GIGYF2: variants seen among roughly 807,000 people sequenced by gnomAD.
GIGYF2 encodes GRB10-interacting GYF protein 2.
Under a neutral mutation model 208.1 loss-of-function variants are expected in GIGYF2, and 25 were observed. That is an observed-to-expected ratio of 0.12 (90% confidence interval 0.09 to 0.17). The LOEUF is 0.17. GIGYF2 is among the 10% of genes least tolerant of loss of function. GIGYF2 has a pLI of 1.00. For synonymous variants in GIGYF2, 534 were observed against 543.8 expected (o/e 0.98, Z 0.25); for missense variants, 1,302 against 1,579.4 (o/e 0.82, Z 2.98).
rs936089672 is a variant in GIGYF2, at chr2:232,842,011, A to AT, written c.2890-2022dup. 2.7e-3 allele frequency among the ~76,000 whole-genome samples: 400 copies of AT among 147,648 alleles called. 3 individuals are homozygous for AT. The highest frequency in any genetic ancestry group is 0.011 in the Middle Eastern group (3 of 282). ...CCATGCCTGGCTAATTTAAAAAAAAATTTTTTTTTTTTTGAGACGGGTGTC... is the reference window on the plus strand; with the variant it reads ...CCATGCCTGGCTAATTTAAAAAAAAATTTTTTTTTTTTTTGAGACGGGTGTC... On this transcript the variant is annotated intron_variant, in intron 23 of 28. Transcript: ENST00000373563.
rs369189961 is a variant in GIGYF2 at position 232,741,546 on chromosome 2, G to C, written c.42-6069G>C. Among the ~76,000 whole-genome samples the C allele has an allele frequency of 4.0e-5, 6 of 151,700 alleles. No homozygotes were observed. The East Asian group carries it at 9.7e-4, about 25-fold the overall frequency. On this transcript the variant is annotated intron_variant, in intron 3 of 28. Coordinates refer to ENST00000373563, the MANE Select transcript of GIGYF2 (RefSeq NM_001103146.3). ...CAACTTCTGCTTCCTGAGTTCAAGCGATTCTCCTGCTTCAGGCTCCCAAGT... is the reference window on the plus strand; with the variant it reads ...CAACTTCTGCTTCCTGAGTTCAAGCCATTCTCCTGCTTCAGGCTCCCAAGT...
intron 8 of GIGYF2, among the ~76,000 whole-genome samples, chr2:232,786,134 T>C (rs1442408751): frequency 6.6e-6 from 1 of 152,242 alleles, no homozygotes; most frequent in Non-Finnish European, 1.5e-5. Flanking sequence ...AATGTAACTT[T>C]TGAGACATTA....
intron 14 of GIGYF2, among the ~76,000 whole-genome samples, chr2:232,803,483 A>G (rs919702510): frequency 6.6e-6 from 1 of 151,966 alleles, no homozygotes; most frequent in Non-Finnish European, 1.5e-5. Context: ...ATTTAAGTTC[A>G]TGGTCCATTT....
At chr2:232,753,782 T>C (rs1469062840) in intron 5 of GIGYF2, among the ~76,000 whole-genome samples, 2 of 152,168 alleles carry the variant, frequency 1.3e-5, no homozygotes, top group Non-Finnish European at 2.9e-5. Flanking sequence ...GGCCTCTCCG[T>C]GTTCCTAATT....
intron 18 of GIGYF2, among the ~76,000 whole-genome samples, chr2:232,813,916 C>G (rs1195911220): frequency 9.0e-6 from 1 of 110,980 alleles, no homozygotes; most frequent in Admixed American, 1.3e-4. Flanking sequence ...GAGACAGAGT[C>G]TTGCCGTGTT....
intron 21 of GIGYF2, among the ~76,000 whole-genome samples, chr2:232,824,862 A>T (rs1701201932): frequency 6.6e-6 from 1 of 152,232 alleles, no homozygotes; most frequent in Non-Finnish European, 1.5e-5. Flanking sequence ...TTAGGGGCTA[A>T]TGCAGCTGGT....
At chr2:232,761,309 T>G in intron 7 of GIGYF2, 87 bp from the exon 8 acceptor site, 1 of 844,958 alleles carries the variant, frequency 1.2e-6, no homozygotes, top group South Asian at 1.4e-5. Context: ...GAAGAAATGC[T>G]TTTAGAAAAA....
intron 14 of GIGYF2, among the ~76,000 whole-genome samples, chr2:232,803,606 T>G (rs1315402008): frequency 1.3e-5 from 2 of 152,104 alleles, no homozygotes; most frequent in Non-Finnish European, 2.9e-5. Context: ...TCTTTCACCT[T>G]TGTCAAAATT....
chr2:232,843,175 G>GTA (rs1422406127), intron 23 of GIGYF2: 42 of 123,894 alleles, frequency 3.4e-4, no homozygotes, highest in African/African-American at 1.2e-3. Flanking sequence ...GTGTGTGTGT[G>GTA]TGTGTGTATA....
At position 232,817,032 on chromosome 2, in the gene GIGYF2, G is replaced by T. The variant is rs377029654; in HGVS notation, c.2370G>T (p.Gln790His). Residue 790 changes from glutamine (Q) to histidine (H), a missense_variant and splice_region_variant, in exon 20 of 29, where the codon CAG becomes CAT. By Grantham distance (24) the Gln-to-His change is conservative. Around this residue, in one of 8 missense-constraint regions of GIGYF2, gnomAD observed 701 missense variants for 793.0 expected, o/e 0.88. Coordinates refer to ENST00000373563, the MANE Select transcript of GIGYF2 (RefSeq NM_001103146.3). ...REEEELARRK[Q>H]EEALRRQREQ... Reference sequence around the variant, plus strand: ...AAGAAGAACTTGCCCGAAGGAAACAGGTATGTATCTGGGAACTCTGACCAT... The same window carrying T: ...AAGAAGAACTTGCCCGAAGGAAACATGTATGTATCTGGGAACTCTGACCAT... The T allele has an allele frequency of 1.2e-6, 2 of 1,608,962 alleles. No homozygotes were observed. Among genetic ancestry groups the T allele is most frequent in the South Asian group, 2.2e-5 (2 of 90,988 alleles).
Position 232,787,461 on chromosome 2 carries a change from A to G in GIGYF2, c.712+132A>G. 1.0e-5 allele frequency: 8 copies of G among 800,934 alleles called. No homozygotes were observed. The South Asian group carries it at 1.3e-4, about 13-fold the overall frequency. The allele number at this position is 800,934 out of a possible 1,614,324, so 49.6% of individuals were successfully genotyped here. A position where few individuals can be genotyped will look rare whatever the true frequency, so the allele number is the denominator to read the frequency against. Reference sequence around the variant, plus strand: ...GGATTCATATTATTTATGCTGTCACAGTTTTATTACTAGAAAAAATTGCAA... The same window carrying G: ...GGATTCATATTATTTATGCTGTCACGGTTTTATTACTAGAAAAAATTGCAA... On this transcript the variant is annotated intron_variant, in intron 9 of 28. Coordinates refer to ENST00000373563, the MANE Select transcript of GIGYF2 (RefSeq NM_001103146.3).
intron 6 of GIGYF2, among the ~76,000 whole-genome samples, chr2:232,758,198 T>C (rs1189429062): frequency 1.3e-5 from 2 of 152,232 alleles, no homozygotes; most frequent in Non-Finnish European, 2.9e-5. Flanking sequence ...GTGGCTTTTC[T>C]TTGTATAGGC....
At chr2:232,797,121 C>A (rs1418845888) in intron 14 of GIGYF2, among the ~76,000 whole-genome samples, 13 of 150,306 alleles carry the variant, frequency 8.6e-5, no homozygotes, top group African/African-American at 2.9e-4. Context: ...TGGTAGAGAA[C>A]TACTAAAAAT....
chr2:232,839,426 C>T (rs114981657), intron 22 of GIGYF2, among the ~76,000 whole-genome samples: 1,992 of 152,276 alleles, frequency 0.013, 34 homozygotes, highest in African/African-American at 0.045. Context: ...CCTCAGAAAT[C>T]GTGTCCTTAA....
intron 22 of GIGYF2, among the ~76,000 whole-genome samples, chr2:232,834,899 T>C (rs1427654481): frequency 6.6e-6 from 1 of 152,204 alleles, no homozygotes; most frequent in Non-Finnish European, 1.5e-5. Context: ...CTTAATAGCA[T>C]ATATTGCACA....
At chr2:232,726,367 T>TAAA (rs1432581591) in intron 2 of GIGYF2, among the ~76,000 whole-genome samples, 1 of 77,646 alleles carries the variant, frequency 1.3e-5, no homozygotes, top group African/African-American at 5.7e-5. Context: ...AGGCTCTGTC[T>TAAA]CAAAAAAAAA....
At chr2:232,838,851 T>C (rs561843843) in intron 22 of GIGYF2, among the ~76,000 whole-genome samples, 1 of 151,362 alleles carries the variant, frequency 6.6e-6, no homozygotes, top group South Asian at 2.1e-4. Context: ...TTGAGAGAAA[T>C]GCCCTATTGT....
chr2:232,838,811 A>C (rs1701727373), intron 22 of GIGYF2, among the ~76,000 whole-genome samples: 2 of 150,524 alleles, frequency 1.3e-5, no homozygotes, highest in African/African-American at 4.9e-5. Flanking sequence ...TTCCCTCTGC[A>C]CCCCTCCCCC....
intron 1 of GIGYF2, among the ~76,000 whole-genome samples, chr2:232,703,113 C>A (rs1695929724): frequency 6.6e-6 from 1 of 152,118 alleles, no homozygotes; most frequent in Admixed American, 6.6e-5. Flanking sequence ...ATACCAAGTC[C>A]CTATAATGGG....
Sources: allele counts gnomAD v4.1 joint callset (sites outside exome capture counted in the v4.1 genomes callset), GRCh38; gene constraint gnomAD v4.1.1; regional missense constraint gnomAD v4.1.1; transcripts MANE v1.5; gene names NCBI Gene and HGNC (gene_info 2026-07-23, HGNC 2026-07-21).